The following CMYA5 variants were observed in gnomAD, a reference collection of about 807,000 sequenced individuals.
CMYA5 encodes the protein cardiomyopathy-associated protein 5.
CMYA5 carries 246 observed loss-of-function variants against 318.9 expected under a neutral mutation model. The ratio of observed to expected loss-of-function variants is 0.77; its 90% CI spans 0.70 to 0.86. The LOEUF (loss-of-function observed/expected upper bound fraction) is 0.86. Among genes scored for constraint, CMYA5 ranks in the 40% least tolerant of loss-of-function variants. The probability of loss-of-function intolerance (pLI) is 0.00; values close to 1 mark genes in which losing one functional copy is unlikely to be tolerated. For synonymous variants in CMYA5, 1,641 were observed against 1,729.5 expected, an observed-to-expected ratio of 0.95 and a Z score of 1.27; for missense variants, 4,589 against 4,678.2, an observed-to-expected ratio of 0.98 and a Z score of 0.56.
At chr5:79,784,826 C>T (rs904171882) in intron 9 of CMYA5, among the ~76,000 whole-genome samples, 3 of 150,318 alleles carry the variant, frequency 2.0e-5, no homozygotes, top group Admixed American at 6.6e-5. Flanking sequence ...CTGGCACTCC[C>T]TAGTGAGATG....
At chr5:79,756,659 A>AGCTCTTTATC (rs1387864516) in intron 6 of CMYA5, among the ~76,000 whole-genome samples, 1 of 151,972 alleles carries the variant, frequency 6.6e-6, no homozygotes, top group East Asian at 1.9e-4. Flanking sequence ...GTATTTTTTC[A>AGCTCTTTATC]GCTCTTTATC....
chr5:79,724,208 C>G (rs1827702540), intron 1 of CMYA5, among the ~76,000 whole-genome samples: 1 of 151,868 alleles, frequency 6.6e-6, no homozygotes. Context: ...CCTGTAATCC[C>G]ATCTACTTGG....
chr5:79,690,480 A>G (rs1371230045), intron 1 of CMYA5, among the ~76,000 whole-genome samples: 2 of 152,180 alleles, frequency 1.3e-5, no homozygotes, highest in Non-Finnish European at 2.9e-5. Context: ...GGGGCCTAGC[A>G]GTAGGCTAGG....
chr5:79,774,341 T>A (rs1264008959), intron 9 of CMYA5: 2 of 152,206 alleles, frequency 1.3e-5, no homozygotes, highest in African/African-American at 4.8e-5. Context: ...GAGCTCCTAC[T>A]CACCTTCTTC....
rs761990371 is a variant in CMYA5, at chr5:79,736,295, C to T, written c.7530C>T (p.Ala2510=). The part of the protein sequence containing the change: ...SRSTELKESK[A]DAMPQHFYQN... ...CTACTGAACTGAAAGAATCAAAAGC[C>T]GATGCTATGCCACAGCACTTCTATC... The change falls in exon 2 of 13, where the codon GCC becomes GCT. Residue 2510 remains alanine, a synonymous_variant. Transcript: ENST00000446378. 4.6e-5 allele frequency: 75 copies of T among 1,613,024 alleles called. No individual in the cohort carries two copies. The highest frequency in any genetic ancestry group is 1.5e-4 in the African/African-American group (11 of 74,806).
Position 79,793,553 on chromosome 5 carries a change from C to A in CMYA5, c.11906C>A (p.Ala3969Glu). The A allele has an allele frequency of 6.2e-7, 1 of 1,613,782 alleles. No individual in the cohort carries two copies. Among genetic ancestry groups the A allele is most frequent in the Non-Finnish European group, 8.5e-7 (1 of 1,179,758 alleles). The change falls in exon 12 of 13, where the codon GCA becomes GAA. Residue 3969 changes from alanine to glutamate, a missense_variant. Ala to Glu is a moderately radical substitution (Grantham distance 107). This residue lies in a region of CMYA5 where 2,431 missense variants were observed against 2,495.1 expected (regional missense o/e 0.97). Coordinates refer to ENST00000446378, the MANE Select transcript of CMYA5 (RefSeq NM_153610.5). The part of the protein sequence containing the change: ...LGICSSSAVQ[A>E]GALGQGETSW... ...ATCTGCTCCAGCTCGGCTGTGCAGGCAGGTGCCCTAGGACAAGGGGAGACC... is the reference window on the plus strand; with the variant it reads ...ATCTGCTCCAGCTCGGCTGTGCAGGAAGGTGCCCTAGGACAAGGGGAGACC...
intron 5 of CMYA5, among the ~76,000 whole-genome samples, chr5:79,752,263 T>C (rs1411436545): frequency 6.6e-6 from 1 of 152,184 alleles, no homozygotes; most frequent in Non-Finnish European, 1.5e-5. Context: ...ATCTGCAGTG[T>C]GTAAGTTTCT....
intron 1 of CMYA5, among the ~76,000 whole-genome samples, chr5:79,721,575 T>A (rs1365001862): frequency 2.6e-5 from 4 of 152,106 alleles, no homozygotes; most frequent in African/African-American, 9.7e-5. Context: ...ATAGGAAGGT[T>A]CCAAGTAAAA....
Position 79,778,815 on chromosome 5 carries a change from G to GTGTGTGTGTGTGTGTGTGTGTA in CMYA5, c.11556-10152_11556-10131dup, listed in dbSNP as rs1561228879. ...CGCCTGCCCCCCTCTCTCTTTCTGT[G>GTGTGTGTGTGTGTGTGTGTGTA]TGTGTGTGTGTGTGTGTGTGTATGT... On this transcript the variant is annotated intron_variant, in intron 9 of 12. Coordinates refer to ENST00000446378, the MANE Select transcript of CMYA5 (RefSeq NM_153610.5). 3.5e-3 allele frequency among the ~76,000 whole-genome samples: 369 copies of GTGTGTGTGTGTGTGTGTGTGTA among 105,918 alleles called. 6 individuals carry two copies. The highest frequency in any genetic ancestry group is 5.5e-3 in the East Asian group (10 of 1,808). 69.5% of individuals were successfully genotyped at this position (105,918 alleles called of 152,430 possible). A position where few individuals can be genotyped will look rare whatever the true frequency, so the allele number is the denominator to read the frequency against.
intron 9 of CMYA5, among the ~76,000 whole-genome samples, chr5:79,770,147 C>A (rs557935005): frequency 6.6e-6 from 1 of 152,168 alleles, no homozygotes; most frequent in Non-Finnish European, 1.5e-5. Flanking sequence ...GCGGACGCCC[C>A]TCCCCCCACC....
chr5:79,703,191 T>C (rs1371101582), intron 1 of CMYA5, among the ~76,000 whole-genome samples: 1 of 152,226 alleles, frequency 6.6e-6, no homozygotes, highest in Non-Finnish European at 1.5e-5. Context: ...ATGCAGTATA[T>C]TTTGCTATTT....
chr5:79,763,369 C>A, intron 9 of CMYA5, 160 bp downstream of exon 9: 1 of 599,884 alleles, frequency 1.7e-6, no homozygotes, highest in Non-Finnish European at 2.9e-6. Flanking sequence ...TATCACAGTT[C>A]ACCAATGAAC....
chr5:79,798,174 G>C (rs1396396854), intron 12 of CMYA5, among the ~76,000 whole-genome samples: 2 of 151,504 alleles, frequency 1.3e-5, no homozygotes, highest in Non-Finnish European at 2.9e-5. Context: ...TTGCCAACTT[G>C]CCATCCCCTA....
At position 79,777,096 on chromosome 5, in the gene CMYA5, C is replaced by A. The variant is rs116903831; in HGVS notation, c.11556-11875C>A. ...TACTTTACAGGGTTCAAATTAATGTCCCCTTTGAGATTGTGCAAACACATT... is the reference window on the plus strand; with the variant it reads ...TACTTTACAGGGTTCAAATTAATGTACCCTTTGAGATTGTGCAAACACATT... On this transcript the variant is annotated intron_variant, in intron 9 of 12. Coordinates refer to ENST00000446378, the MANE Select transcript of CMYA5 (RefSeq NM_153610.5). Among the ~76,000 whole-genome samples, 358 of 152,302 alleles carry A rather than the reference C, an allele frequency of 2.4e-3. 1 individual carries two copies. Among genetic ancestry groups the A allele is most frequent in the Admixed American group, 0.016 (247 of 15,294 alleles).
intron 9 of CMYA5, among the ~76,000 whole-genome samples, chr5:79,771,250 T>G (rs1828850297): frequency 6.6e-6 from 1 of 152,132 alleles, no homozygotes; most frequent in East Asian, 1.9e-4. Flanking sequence ...TTTGTGAGAT[T>G]TCAAAGTCTA....
chr5:79,718,433 T>C (rs1317875566), intron 1 of CMYA5, among the ~76,000 whole-genome samples: 4 of 152,188 alleles, frequency 2.6e-5, no homozygotes, highest in Non-Finnish European at 5.9e-5. Context: ...AGCAGGATCA[T>C]AGGTGACTTT....
intron 8 of CMYA5, chr5:79,762,640 C>A (rs1156640903): frequency 1.3e-5 from 2 of 157,602 alleles, no homozygotes; most frequent in African/African-American, 2.4e-5. Context: ...TGGTAACCTG[C>A]CTCAGGGGAA....
At chr5:79,789,429 ATT>A (rs11331633) in intron 10 of CMYA5, among the ~76,000 whole-genome samples, 63 of 147,340 alleles carry the variant, frequency 4.3e-4, no homozygotes, top group African/African-American at 5.5e-4. Context: ...TCTCTAGATG[ATT>A]TTTTTTTTTT....
At chr5:79,798,795 G>A (rs549541717) in intron 12 of CMYA5, among the ~76,000 whole-genome samples, 3 of 152,192 alleles carry the variant, frequency 2.0e-5, no homozygotes, top group Non-Finnish European at 2.9e-5. Context: ...AGGCAACCCC[G>A]CTGGTGGCAA....
Sources: gnomAD v4.1 joint callset for allele counts (sites outside exome capture counted in the v4.1 genomes callset) on GRCh38, gnomAD v4.1.1 for gene constraint, gnomAD v4.1.1 regional missense constraint, MANE v1.5 for transcripts, NCBI Gene and HGNC (gene_info 2026-07-23, HGNC 2026-07-21) for gene names.